The following IGSF3 variants were observed in gnomAD, a reference collection of about 807,000 sequenced individuals.
IGSF3 encodes the protein glu-Trp-Ile EWI motif-containing protein 3.
IGSF3 carries 23 observed loss-of-function variants against 114.4 expected under a neutral mutation model. The observed-to-expected ratio is 0.20, with a 90% confidence interval of 0.14 to 0.28. The LOEUF (loss-of-function observed/expected upper bound fraction) is 0.28. IGSF3 is among the 10% of genes least tolerant of loss of function. IGSF3 has a pLI of 1.00. For synonymous variants in IGSF3, 571 were observed against 645.2 expected (o/e 0.88, Z 1.74); for missense variants, 1,172 against 1,591.5 (o/e 0.74, Z 4.48).
Position 116,598,437 on chromosome 1 carries a change from A to C in IGSF3, c.2029+1504T>G, listed in dbSNP as rs1660432500. ...CTTCCCTGAGCCTCTTGTCAGTCGAAGTTTAGGCTGTCATTGGCCAAGGGA... is the reference window on the plus strand; with the variant it reads ...CTTCCCTGAGCCTCTTGTCAGTCGACGTTTAGGCTGTCATTGGCCAAGGGA... On this transcript the variant is annotated intron_variant, in intron 7 of 10. Coordinates refer to ENST00000369486, the MANE Select transcript of IGSF3 (RefSeq NM_001007237.3). This position sits in a 1 kb window ranked among gnomAD's most constrained non-coding sequence, Gnocchi z 4.3. 6.6e-6 allele frequency among the ~76,000 whole-genome samples: 1 copy of C among 152,214 alleles called. No individual in the cohort carries two copies. Among genetic ancestry groups the C allele is most frequent in the Non-Finnish European group, 1.5e-5 (1 of 68,048 alleles).
chr1:116,660,764 T>C (rs1450971177), intron 2 of IGSF3, among the ~76,000 whole-genome samples: 1 of 152,134 alleles, frequency 6.6e-6, no homozygotes, highest in African/African-American at 2.4e-5. Flanking sequence ...TAAAATGTTA[T>C]GCTCAGATGG....
Position 116,603,476 on chromosome 1 carries a change from G to T in IGSF3, c.1624+148C>A. The stretch of plus-strand genomic sequence containing the variant: ...TTAAACCCTTATAAGAAATAAAATA[G>T]ACATAAAGGAAAGTACTTCAAACTC... On this transcript the variant is annotated intron_variant, in intron 6 of 10. Transcript: ENST00000369486. The surrounding 1 kb of genome is among the most constrained non-coding windows in gnomAD (Gnocchi z 7.1). 1 of 750,838 alleles carries T rather than the reference G, an allele frequency of 1.3e-6. No homozygotes were observed. Among genetic ancestry groups the T allele is most frequent in the Non-Finnish European group, 2.2e-6 (1 of 462,330 alleles). The allele number at this position is 750,838 out of a possible 1,614,324, so 46.5% of individuals were successfully genotyped here. A position where few individuals can be genotyped will look rare whatever the true frequency, so the allele number is the denominator to read the frequency against.
In IGSF3 at chr1:116,588,622, A is replaced by T. The variant is rs1391670767; in HGVS notation, c.2440+72T>A. 7.4e-7 allele frequency: 1 copy of T among 1,355,290 alleles called. No individual in the cohort carries two copies. Among genetic ancestry groups the T allele is most frequent in the East Asian group, 2.3e-5 (1 of 42,748 alleles). 84.0% of individuals were successfully genotyped at this position (1,355,290 alleles called of 1,614,324 possible). A position where few individuals can be genotyped will look rare whatever the true frequency, so the allele number is the denominator to read the frequency against. On this transcript the variant is annotated intron_variant, in intron 8 of 10. Transcript: ENST00000369486. This position sits in a 1 kb window ranked among gnomAD's most constrained non-coding sequence, Gnocchi z 4.9. The stretch of plus-strand genomic sequence containing the variant: ...CAGTCTCTCCACACCAGCCCCACAG[A>T]TCCCCACCCACCCCCAGGCAGTCTC...
At position 116,588,686 on chromosome 1, in the gene IGSF3, G is replaced by A. The variant is rs751379727; in HGVS notation, c.2440+8C>T. ...CTGGCCCAGGACAGCCGTGCCCTGCGGCCTTACCTGGCTGTTTCACAGTGA... is the reference window on the plus strand; with the variant it reads ...CTGGCCCAGGACAGCCGTGCCCTGCAGCCTTACCTGGCTGTTTCACAGTGA... On this transcript the variant is annotated splice_region_variant and intron_variant, in intron 8 of 10. Coordinates refer to ENST00000369486, the MANE Select transcript of IGSF3 (RefSeq NM_001007237.3). The surrounding 1 kb of genome is among the most constrained non-coding windows in gnomAD (Gnocchi z 4.9). The A allele has an allele frequency of 1.9e-5, 30 of 1,562,642 alleles. No individual in the cohort carries two copies. Among genetic ancestry groups the A allele is most frequent in the Admixed American group, 3.5e-5 (2 of 56,502 alleles).
chr1:116,640,361 T>G (rs1263147291), intron 2 of IGSF3, among the ~76,000 whole-genome samples: 3 of 152,180 alleles, frequency 2.0e-5, no homozygotes, highest in Non-Finnish European at 4.4e-5. Flanking sequence ...AGGCTGTGCT[T>G]CAATCCCTAT....
intron 4 of IGSF3, among the ~76,000 whole-genome samples, chr1:116,609,041 T>C (rs1660909827): frequency 6.6e-6 from 1 of 151,948 alleles, no homozygotes; most frequent in Admixed American, 6.6e-5. Context: ...GTACTTACTT[T>C]AGTAGGAAAG....
intron 2 of IGSF3, 47 bp downstream of exon 2, chr1:116,666,237 C>G (rs1369433649): frequency 1.3e-6 from 2 of 1,541,436 alleles, no homozygotes; most frequent in Admixed American, 1.7e-5. Context: ...GAACCAAGAG[C>G]AGGTTAAACT....
chr1:116,627,299 C>T lies in IGSF3; in HGVS notation c.44-10842G>A, dbSNP rs567444512. Reference sequence around the variant, plus strand: ...ATACATTTCACAGCAATTACTGTTGCTATTATTTTACGCTTCATTTCTGGA... The same window carrying T: ...ATACATTTCACAGCAATTACTGTTGTTATTATTTTACGCTTCATTTCTGGA... On this transcript the variant is annotated intron_variant, in intron 2 of 10. Coordinates refer to ENST00000369486, the MANE Select transcript of IGSF3 (RefSeq NM_001007237.3). This position sits in a 1 kb window ranked among gnomAD's most constrained non-coding sequence, Gnocchi z 4.7. Among the ~76,000 whole-genome samples, 233 of 152,296 alleles carry T rather than the reference C, an allele frequency of 1.5e-3. No homozygotes were observed. Among genetic ancestry groups the T allele is most frequent in the East Asian group, 5.2e-3 (27 of 5,180 alleles).
rs1380773518 is a variant in IGSF3 at position 116,638,308 on chromosome 1, T to C, written c.44-21851A>G. ...CTAATCCAGCCACGCTGTTCTTCAA[T>C]TTTAAAGGTCTTCAGCATATTTTAA... On this transcript the variant is annotated intron_variant, in intron 2 of 10. Transcript: ENST00000369486. The surrounding 1 kb of genome is among the most constrained non-coding windows in gnomAD (Gnocchi z 4.1). Among the ~76,000 whole-genome samples the C allele has an allele frequency of 1.3e-5, 2 of 152,362 alleles. No homozygotes were observed. Among genetic ancestry groups the C allele is most frequent in the Admixed American group, 6.5e-5 (1 of 15,306 alleles).
chr1:116,582,624 A>G lies in IGSF3; in HGVS notation c.2848+2021T>C, dbSNP rs551832388. On this transcript the variant is annotated intron_variant, in intron 9 of 10. Coordinates refer to ENST00000369486, the MANE Select transcript of IGSF3 (RefSeq NM_001007237.3). The surrounding 1 kb of genome is among the most constrained non-coding windows in gnomAD (Gnocchi z 4.7). ...AAAAATCTTTGAAGTACGTCTGCAC[A>G]ATGAATGTTATGAAACCAGTAAAAA... is the stretch of plus-strand genomic sequence containing the variant. 1.3e-5 allele frequency among the ~76,000 whole-genome samples: 2 copies of G among 152,354 alleles called. No homozygotes were observed. The highest frequency in any genetic ancestry group is 3.9e-4 in the East Asian group (2 of 5,192).
chr1:116,632,833 G>C lies in IGSF3; in HGVS notation c.44-16376C>G, dbSNP rs1380437953. 2.0e-5 allele frequency among the ~76,000 whole-genome samples: 3 copies of C among 152,158 alleles called. No individual in the cohort carries two copies. The highest frequency in any genetic ancestry group is 4.8e-5 in the African/African-American group (2 of 41,430). On this transcript the variant is annotated intron_variant, in intron 2 of 10. Coordinates refer to ENST00000369486, the MANE Select transcript of IGSF3 (RefSeq NM_001007237.3). The surrounding 1 kb of genome is among the most constrained non-coding windows in gnomAD (Gnocchi z 5.1). ...AACAAGTGGGGCCACAGAGAGAAAG[G>C]GGTTTTGAAAAAGTTCTAAATCTCC...
Position 116,642,234 on chromosome 1 carries a change from T to C in IGSF3, c.43+24050A>G, listed in dbSNP as rs1648140108. Among the ~76,000 whole-genome samples, 1 of 152,108 alleles carries C rather than the reference T, an allele frequency of 6.6e-6. No individual in the cohort carries two copies. The highest frequency in any genetic ancestry group is 1.5e-5 in the Non-Finnish European group (1 of 68,000). On this transcript the variant is annotated intron_variant, in intron 2 of 10. Coordinates refer to ENST00000369486, the MANE Select transcript of IGSF3 (RefSeq NM_001007237.3). The surrounding 1 kb of genome is among the most constrained non-coding windows in gnomAD (Gnocchi z 5.4). The stretch of plus-strand genomic sequence containing the variant: ...TAACATGTGCATGGATTACCTCTTA[T>C]TAGAAAAAAAAACACGAAATTTTTT...
In IGSF3 at chr1:116,577,198, G is replaced by A. The variant is rs543745474; in HGVS notation, c.*114C>T. On this transcript the variant is annotated 3_prime_UTR_variant, in exon 11 of 11. Coordinates refer to ENST00000369486, the MANE Select transcript of IGSF3 (RefSeq NM_001007237.3). This position sits in a 1 kb window ranked among gnomAD's most constrained non-coding sequence, Gnocchi z 5.7. ...GGAACTTGGAACACTTTTCAAGTCT[G>A]ACAACTTTCCACACACATGCACCCC... 2.7e-5 allele frequency: 33 copies of A among 1,213,244 alleles called. No homozygotes were observed. The African/African-American group carries it at 4.7e-4, about 17-fold the overall frequency. The allele number at this position is 1,213,244 out of a possible 1,614,324, so 75.2% of individuals were successfully genotyped here.
At position 116,579,910 on chromosome 1, in the gene IGSF3, GTTGT is replaced by G. The variant is rs997973256; in HGVS notation, c.2849-37_2849-34del. On this transcript the variant is annotated intron_variant, in intron 9 of 10. Coordinates refer to ENST00000369486, the MANE Select transcript of IGSF3 (RefSeq NM_001007237.3). This position sits in a 1 kb window ranked among gnomAD's most constrained non-coding sequence, Gnocchi z 6.4. Reference sequence around the variant, plus strand: ...ATGACAAGGGACAAACAGGGAAGGGGTTGTTTAAATTTATTTGCTCAAAATAAAC... The same window carrying G: ...ATGACAAGGGACAAACAGGGAAGGGGTTAAATTTATTTGCTCAAAATAAAC... 4.5e-6 allele frequency: 7 copies of G among 1,546,416 alleles called. No homozygotes were observed. The African/African-American group carries it at 9.6e-5, about 21-fold the overall frequency.
At chr1:116,580,919 G>A (rs1659578018) in intron 9 of IGSF3, among the ~76,000 whole-genome samples, 1 of 152,234 alleles carries the variant, frequency 6.6e-6, no homozygotes, top group African/African-American at 2.4e-5. Context: ...CCTTCATGGG[G>A]AGCATGGCTA....
In IGSF3 at chr1:116,577,475, A is replaced by G. The variant is rs1439027020; in HGVS notation, c.3422T>C (p.Ile1141Thr). ...FYPFPIFGIL[I>T]ITILLVRFKS... ...GAAACGCACCAGAAGGATGGTGATG[A>G]TAAGAATGCCAAAGATGGGGAAAGG... The change falls in exon 11 of 11, where the codon ATC (isoleucine) becomes ACC (threonine). Residue 1141 changes from isoleucine to threonine, a missense_variant. Physicochemically the swap from Ile to Thr is moderately conservative, Grantham distance 89. Around this residue, in one of 3 missense-constraint regions of IGSF3, gnomAD observed 423 missense variants for 509.8 expected, o/e 0.83. Coordinates refer to ENST00000369486, the MANE Select transcript of IGSF3 (RefSeq NM_001007237.3). This position sits in a 1 kb window ranked among gnomAD's most constrained non-coding sequence, Gnocchi z 5.7. 1.2e-6 allele frequency: 2 copies of G among 1,614,166 alleles called. No homozygotes were observed. Among genetic ancestry groups the G allele is most frequent in the South Asian group, 1.1e-5 (1 of 91,076 alleles).
chr1:116,637,270 A>G, intron 2 of IGSF3, among the ~76,000 whole-genome samples: 1 of 152,190 alleles, frequency 6.6e-6, no homozygotes, highest in African/African-American at 2.4e-5. Context: ...TTTACTTTGA[A>G]CTGAAATTGG....
In IGSF3 at chr1:116,598,407, A is replaced by G. The variant is rs1215254846; in HGVS notation, c.2029+1534T>C. Among the ~76,000 whole-genome samples the G allele has an allele frequency of 6.6e-6, 1 of 152,236 alleles. No homozygotes were observed. The highest frequency in any genetic ancestry group is 1.5e-5 in the Non-Finnish European group (1 of 68,040). On this transcript the variant is annotated intron_variant, in intron 7 of 10. Coordinates refer to ENST00000369486, the MANE Select transcript of IGSF3 (RefSeq NM_001007237.3). This position sits in a 1 kb window ranked among gnomAD's most constrained non-coding sequence, Gnocchi z 4.3. The stretch of plus-strand genomic sequence containing the variant: ...ACCTGAAAATCCATTTAAGCAAAAC[A>G]GCCTCTTCCCTGAGCCTCTTGTCAG...
In IGSF3 at chr1:116,574,862, TG is replaced by T. The variant is rs1264233858; in HGVS notation, c.*2449del. On this transcript the variant is annotated 3_prime_UTR_variant, in exon 11 of 11. Transcript: ENST00000369486. The surrounding 1 kb of genome is among the most constrained non-coding windows in gnomAD (Gnocchi z 5.2). ...AGAAATGGCCAAAGAAAGAAGGTCCTGGGGTTTTTCATAGAAAGCTCAAAAA... is the reference window on the plus strand; with the variant it reads ...AGAAATGGCCAAAGAAAGAAGGTCCTGGGTTTTTCATAGAAAGCTCAAAAA... The T allele has an allele frequency of 6.6e-6, 1 of 152,642 alleles. No individual in the cohort carries two copies. The highest frequency in any genetic ancestry group is 1.5e-5 in the Non-Finnish European group (1 of 68,016). The allele number at this position is 152,642 out of a possible 1,614,324, so 9.5% of individuals were successfully genotyped here.
Sources: gnomAD v4.1 joint callset for allele counts (sites outside exome capture counted in the v4.1 genomes callset) on GRCh38, gnomAD v4.1.1 for gene constraint, gnomAD v4.1.1 regional missense constraint, Gnocchi (gnomAD v3.1) non-coding constraint, MANE v1.5 for transcripts, NCBI Gene and HGNC (gene_info 2026-07-23, HGNC 2026-07-21) for gene names.